The following NAIF1 variants were observed in gnomAD, a reference collection of about 807,000 sequenced individuals.
NAIF1 encodes nuclear apoptosis inducing factor 1.
NAIF1 carries 14 observed loss-of-function variants against 20.7 expected under a neutral mutation model. The ratio of observed to expected loss-of-function variants is 0.67; its 90% CI spans 0.45 to 1.05. The LOEUF is 1.05. Among genes scored for constraint, NAIF1 ranks in the 50% least tolerant of loss-of-function variants. The pLI is 0.00. For synonymous variants in NAIF1, 191 were observed against 191.4 expected (o/e 1.00, Z 0.02); for missense variants, 362 against 448.8 (o/e 0.81, Z 1.75).
rs1417531248 is a variant in NAIF1 at position 128,063,807 on chromosome 9, A to G, written c.605T>C (p.Val202Ala). The change falls in exon 2 of 2, where the codon GTG becomes GCG. Residue 202 changes from valine to alanine, a missense_variant. This residue lies in a region of NAIF1 where 300 missense variants were observed against 342.7 expected (regional missense o/e 0.88). Transcript: ENST00000373078. The surrounding 1 kb of genome is among the most constrained non-coding windows in gnomAD (Gnocchi z 4.3). ...GTCTGCATGCTGGGCCATCATGTCC[A>G]CAGGGGTCTCTGGTGGCAGAGGTGG... ...APPPLPPETP[V>A]DMMAQHADTS... The G allele has an allele frequency of 6.2e-7, 1 of 1,613,642 alleles. No homozygotes were observed. The highest frequency in any genetic ancestry group is 2.2e-5 in the East Asian group (1 of 44,880).
chr9:128,065,171 C>G (rs1294326410), intron 1 of NAIF1, among the ~76,000 whole-genome samples: 1 of 141,854 alleles, frequency 7.0e-6, no homozygotes, highest in Non-Finnish European at 1.5e-5. Flanking sequence ...GGTTGGAGTT[C>G]AGTGGCACGA....
At position 128,061,989 on chromosome 9, in the gene NAIF1, G is replaced by GT. The variant is rs1832723102; in HGVS notation, c.*1438dup. On this transcript the variant is annotated 3_prime_UTR_variant, in exon 2 of 2. Transcript: ENST00000373078. ...CCAAAGGGTCCCATTTGTTTTTTTGGTTTTTTCTTTGTTTTTTTTTTGAGA... is the reference window on the plus strand; with the variant it reads ...CCAAAGGGTCCCATTTGTTTTTTTGGTTTTTTTCTTTGTTTTTTTTTTGAGA... 6.6e-6 allele frequency: 1 copy of GT among 152,000 alleles called. No homozygotes were observed. The highest frequency in any genetic ancestry group is 1.5e-5 in the Non-Finnish European group (1 of 68,076). The allele number at this position is 152,000 out of a possible 1,614,324, so 9.4% of individuals were successfully genotyped here.
intron 1 of NAIF1, among the ~76,000 whole-genome samples, chr9:128,064,506 A>G (rs191564337): frequency 6.6e-6 from 1 of 152,222 alleles, no homozygotes; most frequent in Admixed American, 6.5e-5. Context: ...TGTACTCATT[A>G]GCTCAACAAA....
At position 128,063,758 on chromosome 9, in the gene NAIF1, G is replaced by A. The variant is rs138738178; in HGVS notation, c.654C>T (p.Leu218=). ...CGGAGTTGAGAGCAATGCGGCTCTT[G>A]AGCGCTTGCGGCTTGACCGACGTGT... The part of the protein sequence containing the change: ...HADTSVKPQA[L]KSRIALNSAK... The change falls in exon 2 of 2, where the codon CTC becomes CTT. Residue 218 remains leucine, a synonymous_variant. Coordinates refer to ENST00000373078, the MANE Select transcript of NAIF1 (RefSeq NM_197956.4). This position sits in a 1 kb window ranked among gnomAD's most constrained non-coding sequence, Gnocchi z 4.3. 3.6e-4 allele frequency: 581 copies of A among 1,614,178 alleles called. 3 individuals carry two copies. The African/African-American group carries it at 5.8e-3, about 16-fold the overall frequency.
intron 1 of NAIF1, chr9:128,066,250 A>G (rs1832776201): frequency 3.5e-6 from 1 of 284,238 alleles, no homozygotes; most frequent in East Asian, 5.9e-5. Flanking sequence ...CTGGCTGTCT[A>G]CTACAAGCCG....
At position 128,067,032 on chromosome 9, in the gene NAIF1, G is replaced by A; in HGVS notation, c.70C>T (p.Leu24=). ...ACCAGCAGGTGCTTCTTCAGCTCCA[G>A]CTCCTCCACGATGATCTCCACCTCC... ...EREVEIIVEE[L]ELKKHLLVNH... The change falls in exon 1 of 2, where the codon CTG becomes TTG. Residue 24 remains leucine (L), a synonymous_variant. Transcript: ENST00000373078. The A allele has an allele frequency of 1.2e-6, 2 of 1,613,850 alleles. No homozygotes were observed. Among genetic ancestry groups the A allele is most frequent in the Non-Finnish European group, 1.7e-6 (2 of 1,179,866 alleles).
In NAIF1 at chr9:128,064,150, G is replaced by T. The variant is rs550155614; in HGVS notation, c.512-250C>A. On this transcript the variant is annotated intron_variant, in intron 1 of 1. Coordinates refer to ENST00000373078, the MANE Select transcript of NAIF1 (RefSeq NM_197956.4). ...GTCGCCCAGGCGGGAGTGCTGTGGC[G>T]CGATCTCCGCTCACTGCAAGCTCCG... 5.6e-3 allele frequency among the ~76,000 whole-genome samples: 799 copies of T among 143,388 alleles called. 9 individuals are homozygous for T. Among genetic ancestry groups the T allele is most frequent in the African/African-American group, 0.02 (767 of 37,822 alleles). 94.1% of individuals were successfully genotyped at this position (143,388 alleles called of 152,430 possible).
In NAIF1 at chr9:128,063,733, C is replaced by T. The variant is rs147281899; in HGVS notation, c.679G>A (p.Ala227Thr). 2.5e-5 allele frequency: 40 copies of T among 1,614,088 alleles called. No homozygotes were observed. The highest frequency in any genetic ancestry group is 8.3e-5 in the Admixed American group (5 of 60,012). ...ALKSRIALNS[A>T]KLIQEQRVTN... ...ACCCGCTGCTCCTGTATCAGCTTGG[C>T]GGAGTTGAGAGCAATGCGGCTCTTG... Residue 227 changes from alanine (A) to threonine (T), a missense_variant, in exon 2 of 2, where the codon GCC (alanine) becomes ACC (threonine). Coordinates refer to ENST00000373078, the MANE Select transcript of NAIF1 (RefSeq NM_197956.4). The surrounding 1 kb of genome is among the most constrained non-coding windows in gnomAD (Gnocchi z 4.3).
intron 1 of NAIF1, 141 bp from the exon 2 acceptor site, chr9:128,064,041 C>A: frequency 3.4e-6 from 2 of 592,960 alleles, no homozygotes; most frequent in South Asian, 4.2e-5. Flanking sequence ...GGCTGCATAG[C>A]TATTCACATA....
Position 128,067,215 on chromosome 9 carries a change from G to A in NAIF1, c.-114C>T, listed in dbSNP as rs1201799910. The A allele has an allele frequency of 3.0e-6, 4 of 1,355,422 alleles. No individual in the cohort carries two copies. The East Asian group carries it at 7.0e-5, about 24-fold the overall frequency. The allele number at this position is 1,355,422 out of a possible 1,614,324, so 84.0% of individuals were successfully genotyped here. ...CCCACCCCCTACAGGGGATAGGCCA[G>A]GCTTGCTCGAGGCCAAGCACTAGGC... On this transcript the variant is annotated 5_prime_UTR_variant, in exon 1 of 2. Transcript: ENST00000373078.
Position 128,061,252 on chromosome 9 carries a change from T to A in NAIF1, c.*2176A>T, listed in dbSNP as rs1361769210. On this transcript the variant is annotated 3_prime_UTR_variant, in exon 2 of 2. Coordinates refer to ENST00000373078, the MANE Select transcript of NAIF1 (RefSeq NM_197956.4). Reference sequence around the variant, plus strand: ...GAGATGTGTGTATAAAAAAGTGATATGTCTTTAATTTAAAATTATGACCCG... The same window carrying A: ...GAGATGTGTGTATAAAAAAGTGATAAGTCTTTAATTTAAAATTATGACCCG... The A allele has an allele frequency of 1.3e-5, 2 of 152,160 alleles. No homozygotes were observed. Among genetic ancestry groups the A allele is most frequent in the Non-Finnish European group, 2.9e-5 (2 of 68,034 alleles). 9.4% of individuals were successfully genotyped at this position (152,160 alleles called of 1,614,324 possible).
At chr9:128,064,859 G>A (rs1344431471) in intron 1 of NAIF1, among the ~76,000 whole-genome samples, 3 of 152,064 alleles carry the variant, frequency 2.0e-5, no homozygotes, top group South Asian at 2.1e-4. Flanking sequence ...AAAATTAGCC[G>A]GGCATGGTGG....
At position 128,063,014 on chromosome 9, in the gene NAIF1, T is replaced by C. The variant is rs1012926291; in HGVS notation, c.*414A>G. The C allele has an allele frequency of 9.8e-6, 2 of 204,450 alleles. No homozygotes were observed. The highest frequency in any genetic ancestry group is 4.6e-5 in the African/African-American group (2 of 43,832). The allele number at this position is 204,450 out of a possible 1,614,324, so 12.7% of individuals were successfully genotyped here. ...TGCTCAACTGCCAGCATCAGTGACATTACCCTACTCGAAAGGATGGCACCT... is the reference window on the plus strand; with the variant it reads ...TGCTCAACTGCCAGCATCAGTGACACTACCCTACTCGAAAGGATGGCACCT... On this transcript the variant is annotated 3_prime_UTR_variant, in exon 2 of 2. Coordinates refer to ENST00000373078, the MANE Select transcript of NAIF1 (RefSeq NM_197956.4). This position sits in a 1 kb window ranked among gnomAD's most constrained non-coding sequence, Gnocchi z 4.3.
Position 128,063,363 on chromosome 9 carries a change from G to C in NAIF1, c.*65C>G, listed in dbSNP as rs995347307. ...GGTCTAAGGCCAAGGCCAATCACAGGACCCACTTACAAGTCCATGGAGTTT... is the reference window on the plus strand; with the variant it reads ...GGTCTAAGGCCAAGGCCAATCACAGCACCCACTTACAAGTCCATGGAGTTT... On this transcript the variant is annotated 3_prime_UTR_variant, in exon 2 of 2. Transcript: ENST00000373078. This position sits in a 1 kb window ranked among gnomAD's most constrained non-coding sequence, Gnocchi z 4.3. 4 of 1,457,684 alleles carry C rather than the reference G, an allele frequency of 2.7e-6. No homozygotes were observed. The highest frequency in any genetic ancestry group is 1.4e-5 in the African/African-American group (1 of 71,998). The allele number at this position is 1,457,684 out of a possible 1,614,324, so 90.3% of individuals were successfully genotyped here. A position where few individuals can be genotyped will look rare whatever the true frequency, so the allele number is the denominator to read the frequency against.
In NAIF1 at chr9:128,062,082, C is replaced by T. The variant is rs1203695278; in HGVS notation, c.*1346G>A. On this transcript the variant is annotated 3_prime_UTR_variant, in exon 2 of 2. Coordinates refer to ENST00000373078, the MANE Select transcript of NAIF1 (RefSeq NM_197956.4). ...TCTCGGCTCACTGCAATCTCCGCCTCCTGGGTTCAAGCGATTCTCCTGCCT... is the reference window on the plus strand; with the variant it reads ...TCTCGGCTCACTGCAATCTCCGCCTTCTGGGTTCAAGCGATTCTCCTGCCT... The T allele has an allele frequency of 6.6e-6, 1 of 152,184 alleles. No individual in the cohort carries two copies. The allele number at this position is 152,184 out of a possible 1,614,324, so 9.4% of individuals were successfully genotyped here. A position where few individuals can be genotyped will look rare whatever the true frequency, so the allele number is the denominator to read the frequency against.
At position 128,062,684 on chromosome 9, in the gene NAIF1, T is replaced by C. The variant is rs1426587003; in HGVS notation, c.*744A>G. 1 of 152,246 alleles carries C rather than the reference T, an allele frequency of 6.6e-6. No individual in the cohort carries two copies. The highest frequency in any genetic ancestry group is 1.5e-5 in the Non-Finnish European group (1 of 68,092). 9.4% of individuals were successfully genotyped at this position (152,246 alleles called of 1,614,324 possible). A position where few individuals can be genotyped will look rare whatever the true frequency, so the allele number is the denominator to read the frequency against. On this transcript the variant is annotated 3_prime_UTR_variant, in exon 2 of 2. Coordinates refer to ENST00000373078, the MANE Select transcript of NAIF1 (RefSeq NM_197956.4). ...CTCAAAAATTTACAGCATCCAAAGC[T>C]TGACCTGAGTCAAAAGCTCTAGGGA...
chr9:128,064,977 G>GAAAT (rs1832762033), intron 1 of NAIF1, among the ~76,000 whole-genome samples: 1 of 151,156 alleles, frequency 6.6e-6, no homozygotes, highest in Non-Finnish European at 1.5e-5. Context: ...TCTCATAAAA[G>GAAAT]AAAGAAAGAA....
Position 128,066,937 on chromosome 9 carries a change from G to A in NAIF1, c.165C>T (p.Val55=), listed in dbSNP as rs1270811885. 6.2e-7 allele frequency: 1 copy of A among 1,612,808 alleles called. No individual in the cohort carries two copies. Among genetic ancestry groups the A allele is most frequent in the Middle Eastern group, 1.6e-4 (1 of 6,062 alleles). ...CTCTGCGGCAGGTGGCCACGGCGTTGACCCTTCTCAGGATGCCGTGCCAGG... is the reference window on the plus strand; with the variant it reads ...CTCTGCGGCAGGTGGCCACGGCGTTAACCCTTCTCAGGATGCCGTGCCAGG... ...SAAWHGILRR[V]NAVATCRREL... The change falls in exon 1 of 2, where the codon GTC becomes GTT. Residue 55 remains valine (V), a synonymous_variant. Coordinates refer to ENST00000373078, the MANE Select transcript of NAIF1 (RefSeq NM_197956.4).
intron 1 of NAIF1, among the ~76,000 whole-genome samples, chr9:128,065,321 T>A (rs577270191): frequency 6.6e-6 from 1 of 152,018 alleles, no homozygotes; most frequent in Non-Finnish European, 1.5e-5. Context: ...TTCACCATAT[T>A]GGCCAGGCTT....
Sources: gnomAD v4.1 joint callset for allele counts (sites outside exome capture counted in the v4.1 genomes callset) on GRCh38, gnomAD v4.1.1 for gene constraint, gnomAD v4.1.1 regional missense constraint, Gnocchi (gnomAD v3.1) non-coding constraint, MANE v1.5 for transcripts, NCBI Gene and HGNC (gene_info 2026-07-23, HGNC 2026-07-21) for gene names.